The following FTO variants were observed in gnomAD, a reference collection of about 807,000 sequenced individuals.
FTO encodes FTO alpha-ketoglutarate dependent dioxygenase.
A neutral mutation model predicts 63.9 loss-of-function variants in FTO; 47 were observed. That is an observed-to-expected ratio of 0.74 (90% CI 0.58 to 0.94). The LOEUF (loss-of-function observed/expected upper bound fraction) is 0.94. Ranked by LOEUF, FTO falls within the 40% of genes least tolerant of loss-of-function variation. The pLI, the probability that FTO is intolerant of heterozygous loss-of-function variation, is 0.00. For synonymous variants in FTO, 207 were observed against 224.4 expected (o/e 0.92, Z 0.69); for missense variants, 562 against 618.1 (o/e 0.91, Z 0.96).
rs960603733 is a variant in FTO at position 54,049,165 on chromosome 16, G to A, written c.1365-62597G>A. On this transcript the variant is annotated intron_variant, in intron 8 of 8. Coordinates refer to ENST00000471389, the MANE Select transcript of FTO (RefSeq NM_001080432.3). ...GGTTATTTGTGATACTACCACATACGTCTTGATGGAAGCCACCATTGTTCA... is the reference window on the plus strand; with the variant it reads ...GGTTATTTGTGATACTACCACATACATCTTGATGGAAGCCACCATTGTTCA... Among the ~76,000 whole-genome samples, 18 of 152,158 alleles carry A rather than the reference G, an allele frequency of 1.2e-4. 1 individual carries two copies. Among genetic ancestry groups the A allele is most frequent in the Non-Finnish European group, 2.2e-4 (15 of 68,038 alleles).
At chr16:54,088,729 G>C (rs1357342683) in intron 8 of FTO, among the ~76,000 whole-genome samples, 1 of 152,190 alleles carries the variant, frequency 6.6e-6, no homozygotes, top group Non-Finnish European at 1.5e-5. Flanking sequence ...ACATCATTAT[G>C]GCAAGTTTCT....
chr16:53,871,015 A>C (rs1475753177), intron 4 of FTO, among the ~76,000 whole-genome samples: 2 of 152,182 alleles, frequency 1.3e-5, no homozygotes, highest in East Asian at 3.8e-4. Context: ...ACTTCTGATG[A>C]GAAGTCTGCT....
intron 8 of FTO, among the ~76,000 whole-genome samples, chr16:54,101,337 G>A (rs755993665): frequency 6.6e-6 from 1 of 152,064 alleles, no homozygotes; most frequent in Admixed American, 6.6e-5. Context: ...TGTGTTCATA[G>A]GTTCTTATCA....
At chr16:53,849,683 C>A (rs2079729640) in intron 4 of FTO, among the ~76,000 whole-genome samples, 1 of 152,180 alleles carries the variant, frequency 6.6e-6, no homozygotes, top group African/African-American at 2.4e-5. Flanking sequence ...GGCAGCAAGA[C>A]CCAGAGCACA....
At chr16:53,974,877 G>GTTGC (rs2083400837) in intron 8 of FTO, among the ~76,000 whole-genome samples, 2 of 152,148 alleles carry the variant, frequency 1.3e-5, no homozygotes, top group Admixed American at 1.3e-4. Flanking sequence ...AAATGTCAAA[G>GTTGC]TTGCTTATTT....
intron 8 of FTO, among the ~76,000 whole-genome samples, chr16:54,014,702 A>T (rs1478046887): frequency 6.6e-6 from 1 of 151,938 alleles, no homozygotes; most frequent in African/African-American, 2.4e-5. Flanking sequence ...GAACCAAGGA[A>T]TCACCCTCCT....
chr16:53,844,404 T>TAATATAAATACTCCAA, intron 4 of FTO, 106 bp downstream of exon 4: 4 of 972,482 alleles, frequency 4.1e-6, no homozygotes, highest in Middle Eastern at 3.2e-4. Flanking sequence ...TGGAGTATTT[T>TAATATAAATACTCCAA]ATATTAAGAG....
intron 8 of FTO, among the ~76,000 whole-genome samples, chr16:53,947,605 C>T (rs1036280941): frequency 2.6e-5 from 4 of 152,170 alleles, no homozygotes; most frequent in Admixed American, 1.3e-4. Flanking sequence ...TCTGATAAAG[C>T]GAGATTTCAC....
chr16:53,835,334 T>C (rs2079259066), intron 3 of FTO, among the ~76,000 whole-genome samples: 1 of 152,188 alleles, frequency 6.6e-6, no homozygotes, highest in African/African-American at 2.4e-5. Flanking sequence ...GGCCTTGCTC[T>C]TTCCTGACTG....
chr16:53,923,696 T>G (rs192712934), intron 7 of FTO, among the ~76,000 whole-genome samples: 3 of 152,080 alleles, frequency 2.0e-5, no homozygotes, highest in Admixed American at 6.5e-5. Context: ...TTTTTTTCTT[T>G]CCTTGACAAG....
intron 3 of FTO, among the ~76,000 whole-genome samples, chr16:53,843,332 G>A (rs549252648): frequency 1.1e-4 from 16 of 152,316 alleles, no homozygotes; most frequent in Middle Eastern, 6.8e-3. Flanking sequence ...GAGAGTGTGA[G>A]TGTGCCATTT....
At chr16:53,806,217 C>T (rs1464636569) in intron 1 of FTO, among the ~76,000 whole-genome samples, 12 of 152,144 alleles carry the variant, frequency 7.9e-5, no homozygotes, top group Admixed American at 7.9e-4. Flanking sequence ...AAAGAAGGCA[C>T]TTTCTAAAAC....
intron 8 of FTO, among the ~76,000 whole-genome samples, chr16:54,048,256 GA>G (rs111381976): frequency 0.2 from 26,081 of 133,712 alleles, 2,963 homozygotes; most frequent in East Asian, 0.43. Flanking sequence ...AAAAATACTT[GA>G]AAAAAAAAAA....
chr16:53,762,510 G>C (rs1201952896), intron 1 of FTO, among the ~76,000 whole-genome samples: 3 of 152,094 alleles, frequency 2.0e-5, no homozygotes, highest in Non-Finnish European at 4.4e-5. Context: ...ATAGAGGCTT[G>C]ATCAGACAAT....
At chr16:54,109,279 C>G (rs1345344496) in intron 8 of FTO, among the ~76,000 whole-genome samples, 2 of 152,214 alleles carry the variant, frequency 1.3e-5, no homozygotes, top group Non-Finnish European at 2.9e-5. Flanking sequence ...GCTTGTCTGT[C>G]AGAGCTTGCA....
intron 8 of FTO, among the ~76,000 whole-genome samples, chr16:53,935,111 C>T (rs1446962010): frequency 6.6e-6 from 1 of 152,126 alleles, no homozygotes; most frequent in Non-Finnish European, 1.5e-5. Flanking sequence ...TCTTTTAGAT[C>T]TGTAGTTTGT....
intron 1 of FTO, among the ~76,000 whole-genome samples, chr16:53,737,864 A>G (rs2076426013): frequency 6.6e-6 from 1 of 152,198 alleles, no homozygotes; most frequent in Admixed American, 6.5e-5. Flanking sequence ...AAATGGAATC[A>G]TACCGTGTGT....
chr16:53,795,531 C>A (rs564901632), intron 1 of FTO, among the ~76,000 whole-genome samples: 2 of 152,200 alleles, frequency 1.3e-5, no homozygotes, highest in African/African-American at 2.4e-5. Flanking sequence ...TCTCAAACTC[C>A]TAGGCTCAAG....
chr16:53,755,779 C>T (rs1484945767), intron 1 of FTO, among the ~76,000 whole-genome samples: 2 of 152,074 alleles, frequency 1.3e-5, no homozygotes, highest in Non-Finnish European at 2.9e-5. Context: ...CTGGTGTATG[C>T]CCTTTGCCCT....
Sources: allele counts gnomAD v4.1 joint callset (sites outside exome capture counted in the v4.1 genomes callset), GRCh38; gene constraint gnomAD v4.1.1; transcripts MANE v1.5; gene names NCBI Gene and HGNC (gene_info 2026-07-23, HGNC 2026-07-21).